Variants in GIN1 observed in about 807,000 individuals in gnomAD.
GIN1 encodes gypsy retrotransposon integrase 1, also known as gypsy retrotransposon integrase-like protein 1.
In GIN1, 41 loss-of-function variants were observed where a neutral mutation model predicts 51.4. That is an observed-to-expected ratio of 0.80 (90% CI 0.62 to 1.04). The LOEUF (loss-of-function observed/expected upper bound fraction) is 1.04, where lower values mean the gene tolerates loss of function less well. Ranked by LOEUF, GIN1 falls within the 50% of genes least tolerant of loss-of-function variation. The pLI is 0.00. For missense variants in GIN1, 610 were observed against 612.4 expected (o/e 1.00, Z 0.04); for synonymous variants, 222 against 206.5 (o/e 1.07, Z -0.64).
At chr5:103,113,397 C>T (rs1014605664) in intron 1 of GIN1, among the ~76,000 whole-genome samples, 1 of 152,058 alleles carries the variant, frequency 6.6e-6, no homozygotes, top group African/African-American at 2.4e-5. Flanking sequence ...CAGCTGTCTT[C>T]TCACTGTAAC....
At chr5:103,100,987 T>C (rs1787556546) in intron 4 of GIN1, among the ~76,000 whole-genome samples, 1 of 152,202 alleles carries the variant, frequency 6.6e-6, no homozygotes, top group Admixed American at 6.5e-5. Context: ...TAGTGAATGT[T>C]TGATACTGCA....
At chr5:103,092,300 C>T (rs1404192609) in intron 7 of GIN1, among the ~76,000 whole-genome samples, 4 of 151,908 alleles carry the variant, frequency 2.6e-5, no homozygotes, top group Admixed American at 2.6e-4. Flanking sequence ...CCACTGTGCC[C>T]AGCCTTAATG....
Position 103,104,813 on chromosome 5 carries a change from T to G in GIN1, c.367A>C (p.Asn123His), listed in dbSNP as rs1787679722. Reference protein sequence around the residue: ...YACQHCQVAKNTVIVAPKQHL... With the variant: ...YACQHCQVAKHTVIVAPKQHL... ...TGTTTCGGTGCTACAATAACTGTAT[T>G]TTTTGCCACTTGGCAATGCTGACAA... Residue 123 changes from asparagine to histidine, a missense_variant, in exon 4 of 8, where the codon AAT becomes CAT. Transcript: ENST00000399004. 6.2e-7 allele frequency: 1 copy of G among 1,608,392 alleles called. No homozygotes were observed. Among genetic ancestry groups the G allele is most frequent in the Non-Finnish European group, 8.5e-7 (1 of 1,176,756 alleles).
chr5:103,086,678 T>C lies in GIN1; in HGVS notation c.*1220A>G, dbSNP rs1241938220. 1 of 152,208 alleles carries C rather than the reference T, an allele frequency of 6.6e-6. No individual in the cohort carries two copies. Among genetic ancestry groups the C allele is most frequent in the East Asian group, 1.9e-4 (1 of 5,200 alleles). 9.4% of individuals were successfully genotyped at this position (152,208 alleles called of 1,614,324 possible). The stretch of plus-strand genomic sequence containing the variant: ...CTATGTAAAAACAACTTCTCTCTTT[T>C]TGCCTCCCTAAGTACATTATCTACA... On this transcript the variant is annotated 3_prime_UTR_variant, in exon 8 of 8. Coordinates refer to ENST00000399004, the MANE Select transcript of GIN1 (RefSeq NM_017676.2).
intron 1 of GIN1, among the ~76,000 whole-genome samples, chr5:103,112,968 G>C (rs1185672787): frequency 6.6e-6 from 1 of 152,078 alleles, no homozygotes; most frequent in Non-Finnish European, 1.5e-5. Flanking sequence ...TGTTTTAACA[G>C]ATGTATGCAA....
chr5:103,090,508 TG>T (rs1787208309), intron 7 of GIN1, among the ~76,000 whole-genome samples: 1 of 152,180 alleles, frequency 6.6e-6, no homozygotes, highest in Non-Finnish European at 1.5e-5. Flanking sequence ...ATGTTGCTGA[TG>T]AAATTTTCTA....
At chr5:103,102,032 CTAT>C (rs1787588739) in intron 4 of GIN1, among the ~76,000 whole-genome samples, 1 of 152,118 alleles carries the variant, frequency 6.6e-6, no homozygotes, top group Admixed American at 6.6e-5. Context: ...CATAAATCTC[CTAT>C]TATTATGCAG....
intron 1 of GIN1, among the ~76,000 whole-genome samples, chr5:103,114,629 T>C (rs1353576230): frequency 6.6e-6 from 1 of 152,226 alleles, no homozygotes; most frequent in African/African-American, 2.4e-5. Flanking sequence ...AATGAGTTCA[T>C]TCATCCATGA....
chr5:103,118,675 T>G (rs1011762509), intron 1 of GIN1, among the ~76,000 whole-genome samples: 1 of 131,562 alleles, frequency 7.6e-6, no homozygotes, highest in African/African-American at 2.6e-5. Flanking sequence ...ACGAAAAGCA[T>G]AGCCTTTGAA....
At chr5:103,119,726 T>A (rs1247168843) in intron 1 of GIN1, among the ~76,000 whole-genome samples, 1 of 152,120 alleles carries the variant, frequency 6.6e-6, no homozygotes, top group Admixed American at 6.5e-5. Context: ...TGAGGGAGCA[T>A]TTCCTAAGCT....
At chr5:103,109,668 C>G (rs1787819706) in intron 1 of GIN1, among the ~76,000 whole-genome samples, 1 of 152,108 alleles carries the variant, frequency 6.6e-6, no homozygotes, top group Non-Finnish European at 1.5e-5. Context: ...TTAATTATCT[C>G]TATAAAGTAT....
intron 7 of GIN1, among the ~76,000 whole-genome samples, chr5:103,094,326 C>A (rs1332292375): frequency 6.6e-6 from 1 of 152,010 alleles, no homozygotes; most frequent in Non-Finnish European, 1.5e-5. Flanking sequence ...TCTAGGATGG[C>A]CAGATCAGTA....
intron 2 of GIN1, among the ~76,000 whole-genome samples, chr5:103,107,946 CT>C (rs1441620557): frequency 6.6e-6 from 1 of 152,050 alleles, no homozygotes; most frequent in Non-Finnish European, 1.5e-5. Context: ...ATTCAATTAT[CT>C]GGTGACTACT....
intron 7 of GIN1, among the ~76,000 whole-genome samples, chr5:103,090,241 A>T (rs1162500891): frequency 1.3e-5 from 2 of 152,198 alleles, no homozygotes; most frequent in African/African-American, 4.8e-5. Context: ...GTAAGGCGAG[A>T]TCGCACCATT....
At chr5:103,101,235 G>C (rs1787565585) in intron 4 of GIN1, among the ~76,000 whole-genome samples, 1 of 152,212 alleles carries the variant, frequency 6.6e-6, no homozygotes, top group African/African-American at 2.4e-5. Context: ...CAGCTATGAA[G>C]TGACTAATGA....
chr5:103,104,847 C>T lies in GIN1; in HGVS notation c.334-1G>A. Reference sequence around the variant, plus strand: ...CTTGGCAATGCTGACAAGCATATACCTACAACAGGCACACAATAAAGAAAA... The same window carrying T: ...CTTGGCAATGCTGACAAGCATATACTTACAACAGGCACACAATAAAGAAAA... On this transcript the variant is annotated splice_acceptor_variant, in intron 3 of 7. Coordinates refer to ENST00000399004, the MANE Select transcript of GIN1 (RefSeq NM_017676.2). LOFTEE classifies it high-confidence loss of function. The T allele has an allele frequency of 6.4e-6, 10 of 1,555,810 alleles. No homozygotes were observed. The highest frequency in any genetic ancestry group is 8.8e-6 in the Non-Finnish European group (10 of 1,141,270).
intron 5 of GIN1, 34 bp from the exon 6 acceptor site, chr5:103,097,524 T>A: frequency 6.7e-7 from 1 of 1,483,644 alleles, no homozygotes. Context: ...AATTTTGTAA[T>A]AAAACATTTA....
At chr5:103,094,936 G>A (rs996973791) in intron 7 of GIN1, among the ~76,000 whole-genome samples, 2 of 152,110 alleles carry the variant, frequency 1.3e-5, no homozygotes, top group East Asian at 1.9e-4. Context: ...TAAACAACTC[G>A]GTCTGTCACA....
chr5:103,119,411 T>C (rs1788274816), intron 1 of GIN1, among the ~76,000 whole-genome samples: 1 of 152,180 alleles, frequency 6.6e-6, no homozygotes, highest in Non-Finnish European at 1.5e-5. Flanking sequence ...CACTTCAGAG[T>C]ACAAATTCAT....
Sources: gnomAD v4.1 joint callset for allele counts (sites outside exome capture counted in the v4.1 genomes callset) on GRCh38, gnomAD v4.1.1 for gene constraint, MANE v1.5 for transcripts, NCBI Gene and HGNC (gene_info 2026-07-23, HGNC 2026-07-21) for gene names.